Variants in CALN1 observed in about 807,000 individuals in gnomAD.
CALN1 encodes the protein calcium-binding protein 8.
In CALN1, 17 loss-of-function variants were observed where a neutral mutation model predicts 30.6. That is an observed-to-expected ratio of 0.56 (90% CI 0.38 to 0.83). The LOEUF (loss-of-function observed/expected upper bound fraction) is 0.83. Among genes scored for constraint, CALN1 ranks in the 40% least tolerant of loss-of-function variants. The pLI is 0.00. For missense variants in CALN1, 291 were observed against 354.9 expected (o/e 0.82, Z 1.45); for synonymous variants, 156 against 131.4 (o/e 1.19, Z -1.28).
intron 3 of CALN1, among the ~76,000 whole-genome samples, chr7:72,235,965 C>T (rs939677302): frequency 5.3e-5 from 8 of 151,552 alleles, no homozygotes; most frequent in Non-Finnish European, 1.5e-5. Context: ...CATTCTGGGC[C>T]AGGCACAGTG....
At chr7:72,262,033 C>T (rs1466694421) in intron 3 of CALN1, among the ~76,000 whole-genome samples, 1 of 152,182 alleles carries the variant, frequency 6.6e-6, no homozygotes, top group African/African-American at 2.4e-5. Context: ...CACCACCTCC[C>T]GCTTTAGAGA....
intron 2 of CALN1, among the ~76,000 whole-genome samples, chr7:72,392,448 G>C (rs1363248344): frequency 6.6e-6 from 1 of 152,194 alleles, no homozygotes; most frequent in Non-Finnish European, 1.5e-5. Context: ...CATGGATGGA[G>C]AGCTGAACGG....
At chr7:72,360,610 T>G (rs1803515420) in intron 2 of CALN1, among the ~76,000 whole-genome samples, 1 of 150,396 alleles carries the variant, frequency 6.6e-6, no homozygotes. Context: ...TTTTCTATTT[T>G]TTTTTTATTA....
At chr7:72,168,054 A>G (rs1177875626) in intron 3 of CALN1, among the ~76,000 whole-genome samples, 1 of 152,206 alleles carries the variant, frequency 6.6e-6, no homozygotes, top group African/African-American at 2.4e-5. Context: ...TTTGTTGCCA[A>G]ATTTATGCAA....
At chr7:72,130,765 T>A (rs1246724575) in intron 3 of CALN1, among the ~76,000 whole-genome samples, 1 of 152,160 alleles carries the variant, frequency 6.6e-6, no homozygotes, top group African/African-American at 2.4e-5. Context: ...CAAGTAAAAT[T>A]TGTGATTGTA....
At chr7:72,063,555 C>T (rs775786896) in intron 4 of CALN1, among the ~76,000 whole-genome samples, 1 of 152,160 alleles carries the variant, frequency 6.6e-6, no homozygotes, top group Non-Finnish European at 1.5e-5. Context: ...CAGCCAAGAG[C>T]TCATCTTATC....
intron 5 of CALN1, among the ~76,000 whole-genome samples, chr7:71,971,985 G>GAAAA (rs1797856663): frequency 1.1e-5 from 1 of 92,250 alleles, no homozygotes; most frequent in Non-Finnish European, 2.5e-5. Flanking sequence ...AAGAAAGAAA[G>GAAAA]AAAGAAAGAG....
At chr7:72,128,103 G>A (rs1040289759) in intron 3 of CALN1, among the ~76,000 whole-genome samples, 3 of 152,054 alleles carry the variant, frequency 2.0e-5, no homozygotes, top group Middle Eastern at 3.2e-3. Flanking sequence ...TGCACACCCT[G>A]GACCCAGCAA....
intron 2 of CALN1, among the ~76,000 whole-genome samples, chr7:72,353,178 G>A (rs528289988): frequency 8.7e-4 from 132 of 152,198 alleles, no homozygotes; most frequent in African/African-American, 3.1e-3. Context: ...TTAATGAAGC[G>A]CTAATACCAA....
chr7:71,969,572 C>T (rs1181007027), intron 5 of CALN1, among the ~76,000 whole-genome samples: 3 of 152,104 alleles, frequency 2.0e-5, no homozygotes, highest in African/African-American at 4.8e-5. Flanking sequence ...CAGAATCTAC[C>T]ATGCTTTATT....
intron 2 of CALN1, among the ~76,000 whole-genome samples, chr7:72,375,762 A>G (rs2138761): frequency 0.98 from 149,775 of 152,232 alleles, 73,719 homozygotes; most frequent in Middle Eastern, 1. Context: ...GATTACAAGC[A>G]TGACTCACTG....
At chr7:72,400,350 TCAAA>T (rs764682244) in intron 2 of CALN1, among the ~76,000 whole-genome samples, 5 of 152,310 alleles carry the variant, frequency 3.3e-5, no homozygotes, top group East Asian at 3.9e-4. Context: ...TTAATCACTG[TCAAA>T]CAGATAGCTA....
chr7:71,940,660 G>A (rs1052102278), intron 5 of CALN1, among the ~76,000 whole-genome samples: 1 of 152,154 alleles, frequency 6.6e-6, no homozygotes, highest in Non-Finnish European at 1.5e-5. Flanking sequence ...GGTTGGTGTA[G>A]TGGCATGATC....
intron 2 of CALN1, among the ~76,000 whole-genome samples, chr7:72,396,182 A>G (rs1805924418): frequency 6.7e-6 from 1 of 148,346 alleles, no homozygotes; most frequent in African/African-American, 2.5e-5. Flanking sequence ...AGATCACTTA[A>G]AGTCAGGAGT....
At chr7:71,936,539 C>T (rs1431170390) in intron 5 of CALN1, among the ~76,000 whole-genome samples, 2 of 152,034 alleles carry the variant, frequency 1.3e-5, no homozygotes, top group African/African-American at 4.8e-5. Flanking sequence ...TCAACATGGA[C>T]ACTGAGCTCT....
intron 5 of CALN1, among the ~76,000 whole-genome samples, chr7:71,957,171 A>C (rs1392352834): frequency 6.6e-6 from 1 of 151,774 alleles, no homozygotes; most frequent in Admixed American, 6.6e-5. Flanking sequence ...TCAAGCAGCC[A>C]CTCTCGGCTT....
At chr7:71,808,388 A>G (rs972002332) in intron 6 of CALN1, among the ~76,000 whole-genome samples, 1 of 151,502 alleles carries the variant, frequency 6.6e-6, no homozygotes, top group Non-Finnish European at 1.5e-5. Flanking sequence ...TAATTATTTT[A>G]TAACAATAAG....
intron 5 of CALN1, among the ~76,000 whole-genome samples, chr7:71,843,403 G>C (rs138473687): frequency 1.1e-4 from 16 of 152,224 alleles, no homozygotes; most frequent in African/African-American, 3.6e-4. Flanking sequence ...TGAATTGCTT[G>C]AGCTCAGGAC....
Position 72,235,838 on chromosome 7 carries a change from C to T in CALN1, c.244+42848G>A, listed in dbSNP as rs189894726. Among the ~76,000 whole-genome samples the T allele has an allele frequency of 3.4e-3, 513 of 152,096 alleles. 1 individual carries two copies. Among genetic ancestry groups the T allele is most frequent in the South Asian group, 0.02 (98 of 4,796 alleles). ...CTTTGGTTCTTGCCCACCCGGTACC[C>T]CATCCTTATATACTTGTACTTGCAC... On this transcript the variant is annotated intron_variant, in intron 3 of 6. Coordinates refer to ENST00000395275, the MANE Select transcript of CALN1 (RefSeq NM_031468.4).
Sources: gnomAD v4.1 joint callset for allele counts (sites outside exome capture counted in the v4.1 genomes callset) on GRCh38, gnomAD v4.1.1 for gene constraint, MANE v1.5 for transcripts, NCBI Gene and HGNC (gene_info 2026-07-23, HGNC 2026-07-21) for gene names.